The following TENM2 variants were observed in gnomAD, a reference collection of about 807,000 sequenced individuals.
The protein encoded by TENM2 is teneurin transmembrane protein 2.
A neutral mutation model predicts 245.2 loss-of-function variants in TENM2; 52 were observed. The observed-to-expected ratio is 0.21, with a 90% CI of 0.17 to 0.27. The LOEUF is 0.27. Among genes scored for constraint, TENM2 ranks in the 10% least tolerant of loss-of-function variants. TENM2 has a pLI of 1.00. For synonymous variants in TENM2, 1,363 were observed against 1,438.9 expected, an observed-to-expected ratio of 0.95 and a Z score of 1.19; for missense variants, 3,046 against 3,666.8, an observed-to-expected ratio of 0.83 and a Z score of 4.37.
chr5:167,013,127 G>A, the TENM2 span, among the ~76,000 whole-genome samples: 2 of 152,162 alleles, frequency 1.3e-5, no homozygotes, highest in Admixed American at 1.3e-4. Flanking sequence ...AGATATCATT[G>A]TAACTATGTC....
chr5:168,007,957 C>G (rs762031436), intron 5 of TENM2, among the ~76,000 whole-genome samples: 1 of 152,020 alleles, frequency 6.6e-6, no homozygotes, highest in Non-Finnish European at 1.5e-5. Context: ...CATAGTCACT[C>G]TATGTAAAGT....
intron 2 of TENM2, among the ~76,000 whole-genome samples, chr5:167,494,292 T>C (rs1403213768): frequency 6.6e-6 from 1 of 151,924 alleles, no homozygotes; most frequent in African/African-American, 2.4e-5. Context: ...AATTAACTGA[T>C]AGAAGAAAAG....
At chr5:167,382,669 C>T (rs1359450595) in intron 2 of TENM2, among the ~76,000 whole-genome samples, 1 of 152,068 alleles carries the variant, frequency 6.6e-6, no homozygotes, top group African/African-American at 2.4e-5. Context: ...TTATACCATT[C>T]TGAGGGGAAT....
chr5:167,977,220 G>A (rs1356687371), intron 4 of TENM2, among the ~76,000 whole-genome samples: 3 of 152,046 alleles, frequency 2.0e-5, no homozygotes, highest in Non-Finnish European at 4.4e-5. Flanking sequence ...AATTCCTATT[G>A]GGTACAATGC....
chr5:167,301,626 A>C (rs1446539058), intron 1 of TENM2, among the ~76,000 whole-genome samples: 1 of 152,172 alleles, frequency 6.6e-6, no homozygotes, highest in Non-Finnish European at 1.5e-5. Flanking sequence ...TAAAATGTAT[A>C]TTGAGCATAA....
At position 168,054,952 on chromosome 5, in the gene TENM2, A is replaced by G. The variant is rs77146075; in HGVS notation, c.1310-7108A>G. On this transcript the variant is annotated intron_variant, in intron 6 of 28. Transcript: ENST00000518659. ...TTCTTAGGGCAAAATGATCATCATG[A>G]CACTTTTCATTGTGCAGCTCTTGGA... Among the ~76,000 whole-genome samples, 107 of 152,296 alleles carry G rather than the reference A, an allele frequency of 7.0e-4. No individual in the cohort carries two copies. In the East Asian group the frequency reaches 7.3e-3, roughly 10 times the overall value.
intron 1 of TENM2, among the ~76,000 whole-genome samples, chr5:167,330,426 G>A (rs534377011): frequency 9.2e-5 from 14 of 152,228 alleles, no homozygotes; most frequent in South Asian, 8.3e-4. Context: ...ACTTTTAAAA[G>A]CTATATGCTT....
At chr5:168,097,011 G>A (rs982697862) in intron 8 of TENM2, among the ~76,000 whole-genome samples, 2 of 152,170 alleles carry the variant, frequency 1.3e-5, no homozygotes, top group Admixed American at 1.3e-4. Context: ...GCAGGTTAGA[G>A]CCAAATGTGA....
At chr5:167,470,774 C>G (rs975557187) in intron 2 of TENM2, among the ~76,000 whole-genome samples, 1 of 151,772 alleles carries the variant, frequency 6.6e-6, no homozygotes, top group Admixed American at 6.6e-5. Context: ...GCAACACAAG[C>G]GAGGTAGCCA....
chr5:167,064,170 G>C, the TENM2 span, among the ~76,000 whole-genome samples: 5 of 152,206 alleles, frequency 3.3e-5, no homozygotes, highest in Non-Finnish European at 7.3e-5. Flanking sequence ...GTAGGCGGAC[G>C]GGGGCCTGGG....
At chr5:167,955,987 G>C (rs1253696868) in intron 4 of TENM2, among the ~76,000 whole-genome samples, 1 of 152,198 alleles carries the variant, frequency 6.6e-6, no homozygotes, top group African/African-American at 2.4e-5. Flanking sequence ...ATTTTAAGTA[G>C]TTTTTTCTAA....
At chr5:167,260,658 A>C in the TENM2 span, among the ~76,000 whole-genome samples, 1 of 152,240 alleles carries the variant, frequency 6.6e-6, no homozygotes, top group Admixed American at 6.5e-5. Flanking sequence ...TGTGCTAGGC[A>C]CTGTGGAAGA....
chr5:167,564,049 G>A (rs1315286436), intron 2 of TENM2, among the ~76,000 whole-genome samples: 1 of 152,164 alleles, frequency 6.6e-6, no homozygotes, highest in Non-Finnish European at 1.5e-5. Flanking sequence ...TAAGTGTGGG[G>A]ACCAAAAAGA....
intron 13 of TENM2, among the ~76,000 whole-genome samples, chr5:168,164,756 C>T (rs563138152): frequency 7.2e-5 from 11 of 152,272 alleles, no homozygotes; most frequent in African/African-American, 2.6e-4. Flanking sequence ...ATCAAAATTA[C>T]TAACTGATCA....
intron 2 of TENM2, among the ~76,000 whole-genome samples, chr5:167,445,313 A>T (rs1471681488): frequency 2.1e-3 from 58 of 27,062 alleles, no homozygotes; most frequent in South Asian, 6.8e-3. Flanking sequence ...CCATATGATT[A>T]TATATATATA....
At chr5:167,861,370 G>C (rs1033980112) in intron 2 of TENM2, among the ~76,000 whole-genome samples, 2 of 152,160 alleles carry the variant, frequency 1.3e-5, no homozygotes, top group Non-Finnish European at 1.5e-5. Context: ...TCAGCCTTGC[G>C]GGTGGTTTTC....
At chr5:168,053,162 A>T (rs1302471616) in intron 6 of TENM2, among the ~76,000 whole-genome samples, 2 of 152,194 alleles carry the variant, frequency 1.3e-5, no homozygotes, top group African/African-American at 4.8e-5. Flanking sequence ...ACTGGCAAAT[A>T]TACCAACATC....
At chr5:167,811,411 A>G (rs1766627912) in intron 2 of TENM2, among the ~76,000 whole-genome samples, 1 of 152,030 alleles carries the variant, frequency 6.6e-6, no homozygotes, top group Non-Finnish European at 1.5e-5. Context: ...TGACCCCACC[A>G]TGTGAGGTGC....
chr5:168,110,905 T>A (rs1005618736), intron 9 of TENM2, among the ~76,000 whole-genome samples: 4 of 152,212 alleles, frequency 2.6e-5, no homozygotes, highest in African/African-American at 4.8e-5. Flanking sequence ...ACAGGTATTT[T>A]AAATGAATTG....
Sources: gnomAD v4.1 joint callset for allele counts (sites outside exome capture counted in the v4.1 genomes callset) on GRCh38, gnomAD v4.1.1 for gene constraint, MANE v1.5 for transcripts, NCBI Gene and HGNC (gene_info 2026-07-23, HGNC 2026-07-21) for gene names.